The following PRKD3 variants were observed in gnomAD, a reference collection of about 807,000 sequenced individuals.
PRKD3 encodes the protein serine/threonine-protein kinase D3.
PRKD3 carries 47 observed loss-of-function variants against 99.2 expected under a neutral mutation model. That is an observed-to-expected ratio of 0.47 (90% CI 0.38 to 0.60). The LOEUF (loss-of-function observed/expected upper bound fraction) is 0.60. Among genes scored for constraint, PRKD3 ranks in the 20% least tolerant of loss-of-function variants. The pLI, the probability that PRKD3 is intolerant of heterozygous loss-of-function variation, is 0.00. For missense variants in PRKD3, 1,019 were observed against 1,088.4 expected (o/e 0.94, Z 0.90); for synonymous variants, 392 against 355.4 (o/e 1.10, Z -1.16).
At chr2:37,254,878 T>G (rs770290439) in intron 17 of PRKD3, among the ~76,000 whole-genome samples, 1 of 152,208 alleles carries the variant, frequency 6.6e-6, no homozygotes, top group Non-Finnish European at 1.5e-5. Context: ...CAGGGTGTTT[T>G]AGTGTACATG....
chr2:37,258,360 CT>C (rs1407277015), intron 16 of PRKD3, among the ~76,000 whole-genome samples: 2 of 152,092 alleles, frequency 1.3e-5, no homozygotes, highest in Non-Finnish European at 2.9e-5. Flanking sequence ...AATACAAACT[CT>C]TTTTTTGTTG....
chr2:37,276,711 G>C (rs1364894108), intron 9 of PRKD3, among the ~76,000 whole-genome samples: 1 of 150,392 alleles, frequency 6.6e-6, no homozygotes, highest in Non-Finnish European at 1.5e-5. Context: ...AGTTTCTTCT[G>C]TTTAATTTCT....
intron 17 of PRKD3, among the ~76,000 whole-genome samples, chr2:37,255,139 A>C (rs904186088): frequency 1.6e-4 from 25 of 152,210 alleles, no homozygotes; most frequent in Non-Finnish European, 3.5e-4. Flanking sequence ...ACACTGCCTC[A>C]GGAGGTCTGA....
At chr2:37,264,274 A>G (rs1668671824) in intron 14 of PRKD3, among the ~76,000 whole-genome samples, 1 of 152,350 alleles carries the variant, frequency 6.6e-6, no homozygotes, top group Non-Finnish European at 1.5e-5. Context: ...CAATCTAACA[A>G]TGTATTGTAA....
At chr2:37,269,527 A>G (rs1558537836) in intron 13 of PRKD3, 88 bp downstream of exon 13, 13 of 1,178,510 alleles carry the variant, frequency 1.1e-5, no homozygotes, top group Non-Finnish European at 1.6e-5. Flanking sequence ...GGACAAAACT[A>G]TGAGATGACA....
chr2:37,277,904 C>G lies in PRKD3; in HGVS notation c.1258G>C (p.Glu420Gln). Residue 420 changes from glutamate to glutamine, a missense_variant, in exon 9 of 19, where the codon GAA becomes CAA. By Grantham distance (29) the Glu-to-Gln change is conservative. This residue lies in a region of PRKD3 where 710 missense variants were observed against 692.7 expected (regional missense o/e 1.02). Coordinates refer to ENST00000234179, the MANE Select transcript of PRKD3 (RefSeq NM_005813.6). ...CTGGTGTAATGGACCATCCACCCTT[C>G]CTTCACCATTGTGCTGCTCTTCCTC... ...TKRKSSTMVK[E>Q]GWMVHYTSRD... The G allele has an allele frequency of 6.2e-7, 1 of 1,613,774 alleles. No individual in the cohort carries two copies.
intron 2 of PRKD3, among the ~76,000 whole-genome samples, chr2:37,311,992 CG>C (rs1212167434): frequency 6.6e-6 from 1 of 152,202 alleles, no homozygotes; most frequent in African/African-American, 2.4e-5. Context: ...CTACATGCAT[CG>C]AGTTTGTAAA....
At chr2:37,311,175 T>C (rs1269906842) in intron 2 of PRKD3, among the ~76,000 whole-genome samples, 2 of 152,200 alleles carry the variant, frequency 1.3e-5, no homozygotes, top group Non-Finnish European at 2.9e-5. Context: ...TAGCATGGCA[T>C]TGTACCAGCA....
chr2:37,273,664 A>T (rs1030211844), intron 11 of PRKD3, among the ~76,000 whole-genome samples: 9 of 152,220 alleles, frequency 5.9e-5, no homozygotes, highest in African/African-American at 2.2e-4. Flanking sequence ...CTAGCATAAT[A>T]GTTGTACAAA....
chr2:37,295,104 CTACTA>C (rs1558564635), intron 2 of PRKD3, among the ~76,000 whole-genome samples: 1 of 152,052 alleles, frequency 6.6e-6, no homozygotes, highest in Non-Finnish European at 1.5e-5. Flanking sequence ...CTCACTCACT[CTACTA>C]TTTGTATAAA....
At chr2:37,296,121 T>C (rs1477787767) in intron 2 of PRKD3, among the ~76,000 whole-genome samples, 11 of 152,210 alleles carry the variant, frequency 7.2e-5, no homozygotes, top group Non-Finnish European at 4.4e-5. Flanking sequence ...AGGAAATTTC[T>C]CTCCAGAAAC....
At position 37,274,638 on chromosome 2, in the gene PRKD3, T is replaced by G; in HGVS notation, c.1434A>C (p.Ser478=). The G allele has an allele frequency of 6.2e-7, 1 of 1,614,116 alleles. No individual in the cohort carries two copies. The highest frequency in any genetic ancestry group is 8.5e-7 in the Non-Finnish European group (1 of 1,179,942). Residue 478 remains serine, a synonymous_variant, in exon 11 of 19, where the codon TCA becomes TCC. Transcript: ENST00000234179. ...ISSPRDFTNI[S]QGSNPHCFEI... is the part of the protein sequence containing the mutation. ...CAAAACAGTGTGGATTGCTGCCTTGTGAAATGTTTGTGAAATCTCGTGGTG... is the reference window on the plus strand; with the variant it reads ...CAAAACAGTGTGGATTGCTGCCTTGGGAAATGTTTGTGAAATCTCGTGGTG...
rs763509994 is a variant in PRKD3 at position 37,289,321 on chromosome 2, T to C, written c.717+35A>G. ...ACCCTGTAGAAACACAGAGAATAAC[T>C]ACTACTAAAATGTCTATTACCTTAG... On this transcript the variant is annotated intron_variant, in intron 5 of 18. Transcript: ENST00000234179. The C allele has an allele frequency of 1.1e-5, 18 of 1,602,448 alleles. No individual in the cohort carries two copies. In the East Asian group the frequency reaches 3.1e-4, roughly 28 times the overall value.
intron 2 of PRKD3, among the ~76,000 whole-genome samples, chr2:37,304,661 G>A (rs763972417): frequency 1.3e-5 from 2 of 150,820 alleles, no homozygotes; most frequent in Non-Finnish European, 2.9e-5. Context: ...AGAATCACTT[G>A]AACCTGGGAG....
intron 14 of PRKD3, among the ~76,000 whole-genome samples, chr2:37,264,712 T>C (rs1038763248): frequency 3.9e-5 from 6 of 152,000 alleles, no homozygotes; most frequent in Non-Finnish European, 7.4e-5. Flanking sequence ...GTTTGAGATA[T>C]AGCAAGAAAG....
intron 1 of PRKD3, among the ~76,000 whole-genome samples, chr2:37,317,380 A>T (rs886481822): frequency 1.3e-5 from 2 of 151,722 alleles, no homozygotes; most frequent in African/African-American, 4.9e-5. Flanking sequence ...GGCTCGAAAA[A>T]TATCCTTGGC....
In PRKD3 at chr2:37,277,342, C is replaced by G. The variant is rs537003063; in HGVS notation, c.1296+524G>C. On this transcript the variant is annotated intron_variant, in intron 9 of 18. Coordinates refer to ENST00000234179, the MANE Select transcript of PRKD3 (RefSeq NM_005813.6). ...GTTCATATAGTTTTATAGTAAGTTACAGAGACTTAGGCAGTCTAGCTCCAA... is the reference window on the plus strand; with the variant it reads ...GTTCATATAGTTTTATAGTAAGTTAGAGAGACTTAGGCAGTCTAGCTCCAA... 9.2e-5 allele frequency among the ~76,000 whole-genome samples: 14 copies of G among 152,240 alleles called. No individual in the cohort carries two copies. The South Asian group carries it at 2.7e-3, about 29-fold the overall frequency.
Position 37,286,216 on chromosome 2 carries a change from A to T in PRKD3, c.871T>A (p.Leu291Ile), listed in dbSNP as rs1336675698. ...CCTTGGCGAAAGAGGCCTTTCAGTA[A>T]CCGCTTGCAGTACTGACATATCGTG... The part of the protein sequence containing the change: ...RPTICQYCKR[L>I]LKGLFRQGMQ... The change falls in exon 6 of 19, where the codon TTA becomes ATA. Residue 291 changes from leucine to isoleucine, a missense_variant. Transcript: ENST00000234179. The T allele has an allele frequency of 1.2e-6, 2 of 1,613,510 alleles. No individual in the cohort carries two copies. Among genetic ancestry groups the T allele is most frequent in the South Asian group, 2.2e-5 (2 of 91,022 alleles).
At chr2:37,319,092 C>T (rs1396867721) in intron 1 of PRKD3, among the ~76,000 whole-genome samples, 2 of 152,136 alleles carry the variant, frequency 1.3e-5, no homozygotes, top group Non-Finnish European at 2.9e-5. Context: ...GCACTTTATA[C>T]ATATTACCTC....
Sources: allele counts gnomAD v4.1 joint callset (sites outside exome capture counted in the v4.1 genomes callset), GRCh38; gene constraint gnomAD v4.1.1; regional missense constraint gnomAD v4.1.1; transcripts MANE v1.5; gene names NCBI Gene and HGNC (gene_info 2026-07-23, HGNC 2026-07-21).